PKHD1: variants seen among roughly 807,000 people sequenced by gnomAD.
PKHD1 encodes the protein PKHD1 ciliary IPT domain containing fibrocystin/polyductin.
In PKHD1, 291 loss-of-function variants were observed where a neutral mutation model predicts 412.0. The observed-to-expected ratio is 0.71, with a 90% confidence interval of 0.64 to 0.78. The LOEUF is 0.78. Among genes scored for constraint, PKHD1 ranks in the 30% least tolerant of loss-of-function variants. The probability of loss-of-function intolerance (pLI) is 0.00; values close to 1 mark genes in which losing one functional copy is unlikely to be tolerated. For missense variants in PKHD1, 4,825 were observed against 4,950.7 expected (o/e 0.97, Z 0.76); for synonymous variants, 1,777 against 1,821.5 (o/e 0.98, Z 0.62).
At chr6:51,906,131 G>A (rs1376428713) in intron 41 of PKHD1, 84 bp downstream of exon 41, 1 of 1,121,670 alleles carries the variant, frequency 8.9e-7, no homozygotes, top group Non-Finnish European at 1.4e-6. Flanking sequence ...TATAAATTAG[G>A]AATTAGAAAT....
chr6:51,679,296 T>A lies in PKHD1; in HGVS notation c.10157-19327A>T, dbSNP rs188915367. Among the ~76,000 whole-genome samples the A allele has an allele frequency of 3.2e-3, 494 of 152,168 alleles. 2 individuals are homozygous for A. Among genetic ancestry groups the A allele is most frequent in the African/African-American group, 0.011 (471 of 41,542 alleles). On this transcript the variant is annotated intron_variant, in intron 60 of 66. Transcript: ENST00000371117. ...CAAACATCATAACAGTTAGCAGTAA[T>A]GTGTGTTCGCCACAAGTGCCTATAC...
At chr6:51,914,752 T>G (rs990098816) in intron 37 of PKHD1, among the ~76,000 whole-genome samples, 2 of 152,102 alleles carry the variant, frequency 1.3e-5, no homozygotes, top group Non-Finnish European at 2.9e-5. Flanking sequence ...TAATAAATTC[T>G]GTTCCAAGAA....
At chr6:51,902,854 AAAT>A (rs1781494807) in intron 43 of PKHD1, among the ~76,000 whole-genome samples, 1 of 152,212 alleles carries the variant, frequency 6.6e-6, no homozygotes, top group East Asian at 1.9e-4. Flanking sequence ...AAGTTGTACT[AAAT>A]AATGGGATTT....
Position 52,017,526 on chromosome 6 carries a change from C to T in PKHD1, c.5484G>A (p.Glu1828=), listed in dbSNP as rs2128130263. The T allele has an allele frequency of 6.2e-7, 1 of 1,614,064 alleles. No individual in the cohort carries two copies. Among genetic ancestry groups the T allele is most frequent in the Non-Finnish European group, 8.5e-7 (1 of 1,179,890 alleles). Residue 1828 remains glutamate, a synonymous_variant, in exon 34 of 67, where the codon GAG becomes GAA. Transcript: ENST00000371117. ...QCDLTVAMAT[E]QLLESWPYLY... Reference sequence around the variant, plus strand: ...GGTAAGGCCACGATTCAAGCAGTTGCTCTGTCGCCATGGCAACTGTCAAAT... The same window carrying T: ...GGTAAGGCCACGATTCAAGCAGTTGTTCTGTCGCCATGGCAACTGTCAAAT...
chr6:51,779,395 T>A (rs1265683044), intron 53 of PKHD1, among the ~76,000 whole-genome samples: 1 of 152,088 alleles, frequency 6.6e-6, no homozygotes, highest in Non-Finnish European at 1.5e-5. Flanking sequence ...GTCAACTAAG[T>A]CTGGGTTAAG....
intron 48 of PKHD1, among the ~76,000 whole-genome samples, chr6:51,859,875 T>C (rs903693489): frequency 4.6e-5 from 7 of 152,232 alleles, no homozygotes; most frequent in African/African-American, 1.7e-4. Flanking sequence ...TTTGGAAACA[T>C]TGCACCTTCC....
chr6:51,831,497 T>A (rs1459325301), intron 51 of PKHD1, among the ~76,000 whole-genome samples: 1 of 152,242 alleles, frequency 6.6e-6, no homozygotes, highest in Admixed American at 6.5e-5. Flanking sequence ...ACATATCATA[T>A]TTTAAAAATC....
At chr6:51,927,586 T>C (rs1158897864) in intron 37 of PKHD1, among the ~76,000 whole-genome samples, 1 of 152,144 alleles carries the variant, frequency 6.6e-6, no homozygotes, top group African/African-American at 2.4e-5. Context: ...TTCTCTCTTA[T>C]TAAGCAAAGA....
Position 51,722,150 on chromosome 6 carries a change from G to A in PKHD1, c.10156+22235C>T, listed in dbSNP as rs139293947. On this transcript the variant is annotated intron_variant, in intron 60 of 66. Coordinates refer to ENST00000371117, the MANE Select transcript of PKHD1 (RefSeq NM_138694.4). ...AAATACCCCACACCTTGTAATATCCGAGCTCTTTACTCATGCCCGCCCTCA... is the reference window on the plus strand; with the variant it reads ...AAATACCCCACACCTTGTAATATCCAAGCTCTTTACTCATGCCCGCCCTCA... The A allele has an allele frequency of 0.01, 15,688 of 1,499,338 alleles. 117 individuals carry two copies. The highest frequency in any genetic ancestry group is 0.035 in the Middle Eastern group (158 of 4,546). 92.9% of individuals were successfully genotyped at this position (1,499,338 alleles called of 1,614,324 possible). A position where few individuals can be genotyped will look rare whatever the true frequency, so the allele number is the denominator to read the frequency against.
At chr6:51,649,654 A>T (rs982267435) in intron 61 of PKHD1, among the ~76,000 whole-genome samples, 1 of 152,158 alleles carries the variant, frequency 6.6e-6, no homozygotes, top group East Asian at 1.9e-4. Context: ...CAATTCTGTG[A>T]TATAAATACC....
intron 35 of PKHD1, among the ~76,000 whole-genome samples, chr6:51,986,219 G>A (rs914746409): frequency 2.0e-5 from 3 of 152,176 alleles, no homozygotes; most frequent in Non-Finnish European, 2.9e-5. Context: ...GGACATAGCT[G>A]TTCTCTTCAC....
rs1380750885 is a variant in PKHD1 at position 51,855,886 on chromosome 6, G to C, written c.7911+7C>G. The C allele has an allele frequency of 1.2e-6, 2 of 1,606,122 alleles. No individual in the cohort carries two copies. Among genetic ancestry groups the C allele is most frequent in the Non-Finnish European group, 1.7e-6 (2 of 1,172,716 alleles). On this transcript the variant is annotated splice_region_variant and intron_variant, in intron 49 of 66. Coordinates refer to ENST00000371117, the MANE Select transcript of PKHD1 (RefSeq NM_138694.4). ...CAGCATACCAACTAATGGATTCCTT[G>C]GGTTACCTGCAGAGATCTGTTGATC...
chr6:51,916,246 A>G (rs1002518907), intron 37 of PKHD1, among the ~76,000 whole-genome samples: 3 of 152,152 alleles, frequency 2.0e-5, no homozygotes, highest in Non-Finnish European at 4.4e-5. Context: ...TCACTTGTAA[A>G]CTCCCATCAG....
chr6:51,931,371 G>C (rs1786559377), intron 37 of PKHD1, among the ~76,000 whole-genome samples: 1 of 152,186 alleles, frequency 6.6e-6, no homozygotes, highest in Non-Finnish European at 1.5e-5. Flanking sequence ...TTGCATACTT[G>C]ATGGTGAAAG....
At chr6:51,778,042 T>C (rs1791354468) in intron 53 of PKHD1, among the ~76,000 whole-genome samples, 1 of 152,060 alleles carries the variant, frequency 6.6e-6, no homozygotes, top group Non-Finnish European at 1.5e-5. Context: ...TATTGCAACA[T>C]AAAAATGAAA....
At chr6:51,766,540 T>A (rs182908605) in intron 55 of PKHD1, among the ~76,000 whole-genome samples, 1 of 152,158 alleles carries the variant, frequency 6.6e-6, no homozygotes, top group East Asian at 1.9e-4. Flanking sequence ...TTTTTCTATA[T>A]GTTTATTAGC....
At chr6:51,964,011 G>C (rs1792452402) in intron 35 of PKHD1, among the ~76,000 whole-genome samples, 1 of 151,942 alleles carries the variant, frequency 6.6e-6, no homozygotes, top group African/African-American at 2.4e-5. Flanking sequence ...TACAAGAATT[G>C]CCCAGAACGT....
chr6:51,875,019 C>T (rs1214415850), intron 46 of PKHD1, among the ~76,000 whole-genome samples: 1 of 53,546 alleles, frequency 1.9e-5, no homozygotes, highest in African/African-American at 8.5e-5. Flanking sequence ...CCTGGAAAAT[C>T]GGGTCACTCC....
chr6:52,084,431 A>C (rs1331918742), intron 2 of PKHD1, among the ~76,000 whole-genome samples: 2 of 152,270 alleles, frequency 1.3e-5, no homozygotes, highest in Non-Finnish European at 2.9e-5. Context: ...AATTGAACAG[A>C]TGATTTGAGA....
Sources: gnomAD v4.1 joint callset for allele counts (sites outside exome capture counted in the v4.1 genomes callset) on GRCh38, gnomAD v4.1.1 for gene constraint, MANE v1.5 for transcripts, NCBI Gene and HGNC (gene_info 2026-07-23, HGNC 2026-07-21) for gene names.